IK: variants seen among roughly 807,000 people sequenced by gnomAD.
The protein encoded by IK is protein Red.
A neutral mutation model predicts 90.9 loss-of-function variants in IK; 47 were observed. That is an observed-to-expected ratio of 0.52 (90% CI 0.41 to 0.66). The LOEUF is 0.66. Ranked by LOEUF, IK falls within the 30% of genes least tolerant of loss-of-function variation. The pLI is 0.00. For missense variants in IK, 385 were observed against 709.3 expected, an observed-to-expected ratio of 0.54 and a Z score of 5.19; for synonymous variants, 201 against 227.5, an observed-to-expected ratio of 0.88 and a Z score of 1.05.
chr5:140,654,077 AGTAAT>A, intron 6 of IK, 25 bp downstream of exon 6: 1 of 1,337,370 alleles, frequency 7.5e-7, no homozygotes, highest in Non-Finnish European at 1.1e-6. Flanking sequence ...TCAGGTGGGG[AGTAAT>A]ACTGTCGTGC....
Position 140,662,186 on chromosome 5 carries a change from A to T in IK, c.1619A>T (p.Glu540Val). The T allele has an allele frequency of 6.2e-7, 1 of 1,614,022 alleles. No individual in the cohort carries two copies. The highest frequency in any genetic ancestry group is 1.1e-5 in the South Asian group (1 of 91,076). ...ATCCTGTTGTTTTTGCAGATCATTG[A>T]GAAGAGGAAGAAGATGGAAGCTGAT... ...RQWKKISAII[E>V]KRKKMEADGV... is the part of the protein sequence containing the mutation. The change falls in exon 19 of 20, where the codon GAG becomes GTG. Residue 540 changes from glutamate (E) to valine (V), a missense_variant. This residue lies in a region of IK where 29 missense variants were observed against 41.8 expected (regional missense o/e 0.69). Coordinates refer to ENST00000417647, the MANE Select transcript of IK (RefSeq NM_006083.4).
chr5:140,648,142 A>T, intron 1 of IK: 1 of 714,858 alleles, frequency 1.4e-6, no homozygotes, highest in Non-Finnish European at 2.5e-6. Context: ...CTCCTACTCC[A>T]AGTGATGATG....
chr5:140,651,667 AT>A, intron 2 of IK, 46 bp from the exon 3 acceptor site: 1 of 918,206 alleles, frequency 1.1e-6, no homozygotes, highest in Non-Finnish European at 1.7e-6. Context: ...TTCCTTTTTC[AT>A]TTCTTATTGA....
chr5:140,662,317 A>G lies in IK; in HGVS notation c.1662A>G (p.Arg554=). The part of the protein sequence containing the change: ...KMEADGVEVK[R]PKY ...TCCATTGCAGGGTTGAAGTCAAAAG[A>G]CCAAAATACTAATCACTAGTTACAA... The change falls in exon 20 of 20, where the codon AGA becomes AGG. Residue 554 remains arginine, a synonymous_variant. Coordinates refer to ENST00000417647, the MANE Select transcript of IK (RefSeq NM_006083.4). 6.2e-7 allele frequency: 1 copy of G among 1,613,988 alleles called. No individual in the cohort carries two copies. The highest frequency in any genetic ancestry group is 8.5e-7 in the Non-Finnish European group (1 of 1,179,856).
intron 4 of IK, among the ~76,000 whole-genome samples, chr5:140,652,702 A>G: frequency 6.6e-6 from 1 of 152,214 alleles, no homozygotes; most frequent in Admixed American, 6.5e-5. Flanking sequence ...TTATATCTAT[A>G]GAGAATTGGT....
Position 140,648,478 on chromosome 5 carries a change from G to A in IK, c.24G>A (p.Pro8=). 1 of 1,613,916 alleles carries A rather than the reference G, an allele frequency of 6.2e-7. No individual in the cohort carries two copies. Reference sequence around the variant, plus strand: ...GTCAATTTTTTTTGTCAGGTGAGCCGTTCTCCAACCCTTTGGCCCCCGATG... The same window carrying A: ...GTCAATTTTTTTTGTCAGGTGAGCCATTCTCCAACCCTTTGGCCCCCGATG... MPERDSE[P]FSNPLAPDGH... The change falls in exon 2 of 20, where the codon CCG becomes CCA. Residue 8 remains proline (P), a synonymous_variant. Transcript: ENST00000417647.
intron 9 of IK, 76 bp downstream of exon 9, chr5:140,656,068 C>A: frequency 7.3e-7 from 1 of 1,376,010 alleles, no homozygotes; most frequent in South Asian, 1.3e-5. Context: ...GCCCCGTGTC[C>A]CTTGTCCACC....
intron 15 of IK, 46 bp from the exon 16 acceptor site, chr5:140,660,712 T>C (rs1757790313): frequency 2.7e-6 from 4 of 1,499,960 alleles, no homozygotes; most frequent in East Asian, 2.3e-5. Flanking sequence ...AGATGAAGCA[T>C]AGGGTCAGGG....
In IK at chr5:140,651,775, T is replaced by C; in HGVS notation, c.145T>C (p.Ser49Pro). The change falls in exon 3 of 20, where the codon TCT becomes CCT. Residue 49 changes from serine (S) to proline (P), a missense_variant. Ser to Pro is a moderately conservative substitution (Grantham distance 74). Around this residue, in one of 8 missense-constraint regions of IK, gnomAD observed 64 missense variants for 144.6 expected, o/e 0.44. Coordinates refer to ENST00000417647, the MANE Select transcript of IK (RefSeq NM_006083.4). ...CATGACCCCCAGGGCTGCACCTACC[T>C]CTGCACCACCTTCTAAGTCACGTCA... ...LLMTPRAAPT[S>P]APPSKSRHHE... 1 of 1,611,430 alleles carries C rather than the reference T, an allele frequency of 6.2e-7. No homozygotes were observed. Among genetic ancestry groups the C allele is most frequent in the Non-Finnish European group, 8.5e-7 (1 of 1,177,598 alleles).
rs535076476 is a variant in IK at position 140,656,729 on chromosome 5, G to T, written c.801+737G>T. ...TAATAATCACATCATGGAAAATGGG[G>T]TATCCATCCCGTTAAACATTTATCT... On this transcript the variant is annotated intron_variant, in intron 9 of 19. Transcript: ENST00000417647. Among the ~76,000 whole-genome samples, 3 of 152,070 alleles carry T rather than the reference G, an allele frequency of 2.0e-5. No homozygotes were observed. The South Asian group carries it at 6.2e-4, about 31-fold the overall frequency.
intron 4 of IK, 118 bp from the exon 5 acceptor site, chr5:140,652,859 C>A: frequency 1.2e-6 from 1 of 862,062 alleles, no homozygotes; most frequent in Non-Finnish European, 1.8e-6. Flanking sequence ...TCAGGACAGA[C>A]ATGAGCTTTT....
At chr5:140,657,705 G>A (rs776019260) in intron 10 of IK, 43 bp downstream of exon 10, 7 of 1,335,904 alleles carry the variant, frequency 5.2e-6, no homozygotes, top group East Asian at 2.3e-5. Context: ...CACAGAGGAC[G>A]TTTGGGGATA....
intron 9 of IK, among the ~76,000 whole-genome samples, chr5:140,656,324 C>T (rs1757708632): frequency 6.6e-6 from 1 of 152,236 alleles, no homozygotes; most frequent in Non-Finnish European, 1.5e-5. Flanking sequence ...TTCCAAGTAG[C>T]TGGGACTACA....
chr5:140,648,010 G>GTGTT lies in IK; in HGVS notation c.16+89_16+90insTTGT. ...TGTAGCTTCTGAGCTTAAGCCGGGT[G>GTGTT]TGTGTGTGTGTGTGTGTGTGTGTGT... On this transcript the variant is annotated intron_variant, in intron 1 of 19. Coordinates refer to ENST00000417647, the MANE Select transcript of IK (RefSeq NM_006083.4). 3 of 776,134 alleles carry GTGTT rather than the reference G, an allele frequency of 3.9e-6. No homozygotes were observed. The South Asian group carries it at 4.2e-5, about 11-fold the overall frequency. The allele number at this position is 776,134 out of a possible 1,614,324, so 48.1% of individuals were successfully genotyped here.
In IK at chr5:140,662,394, C is replaced by G. The variant is rs1391656465; in HGVS notation, c.*65C>G. The G allele has an allele frequency of 5.2e-6, 8 of 1,542,054 alleles. No individual in the cohort carries two copies. Among genetic ancestry groups the G allele is most frequent in the African/African-American group, 1.4e-5 (1 of 73,494 alleles). On this transcript the variant is annotated 3_prime_UTR_variant, in exon 20 of 20. Transcript: ENST00000417647. Reference sequence around the variant, plus strand: ...CCCCACTGTTTTCTTTCTACAATTTCCAAAGGTTGCAAGATGTTTTTTTGT... The same window carrying G: ...CCCCACTGTTTTCTTTCTACAATTTGCAAAGGTTGCAAGATGTTTTTTTGT...
intron 2 of IK, among the ~76,000 whole-genome samples, chr5:140,650,438 G>A (rs1757596311): frequency 6.6e-6 from 1 of 152,192 alleles, no homozygotes; most frequent in Non-Finnish European, 1.5e-5. Flanking sequence ...ATTTGATCAA[G>A]AGAGGAGTCT....
intron 15 of IK, 153 bp from the exon 16 acceptor site, chr5:140,660,605 A>G: frequency 1.6e-6 from 1 of 607,190 alleles, no homozygotes; most frequent in Non-Finnish European, 2.9e-6. Flanking sequence ...GCCCAAGGCT[A>G]CTTCTTACTT....
chr5:140,648,397 A>T, intron 1 of IK, 74 bp from the exon 2 acceptor site: 1 of 1,316,102 alleles, frequency 7.6e-7, no homozygotes, highest in Non-Finnish European at 1.1e-6. Flanking sequence ...ATTGTTCACT[A>T]CTATATCTCA....
chr5:140,648,253 T>G (rs1757529121), intron 1 of IK: 4 of 705,338 alleles, frequency 5.7e-6, no homozygotes, highest in Non-Finnish European at 1.0e-5. Flanking sequence ...GACGTGATCT[T>G]CCGGAAGTCT....
Sources: allele counts gnomAD v4.1 joint callset (sites outside exome capture counted in the v4.1 genomes callset), GRCh38; gene constraint gnomAD v4.1.1; regional missense constraint gnomAD v4.1.1; transcripts MANE v1.5; gene names NCBI Gene and HGNC (gene_info 2026-07-23, HGNC 2026-07-21).